Variants in FAAP100 observed in about 807,000 individuals in gnomAD.
FAAP100 encodes the protein FA core complex associated protein 100.
In FAAP100, 46 loss-of-function variants were observed where a neutral mutation model predicts 65.8. The ratio of observed to expected loss-of-function variants is 0.70; its 90% CI spans 0.55 to 0.89. The LOEUF is 0.89. Ranked by LOEUF, FAAP100 falls within the 40% of genes least tolerant of loss-of-function variation. The probability of loss-of-function intolerance (pLI) is 0.00; values close to 1 mark genes in which losing one functional copy is unlikely to be tolerated. For synonymous variants in FAAP100, 663 were observed against 555.1 expected, an observed-to-expected ratio of 1.19 and a Z score of -2.73; for missense variants, 1,165 against 1,196.7, an observed-to-expected ratio of 0.97 and a Z score of 0.39.
intron 2 of FAAP100, 108 bp from the exon 3 acceptor site, chr17:81,551,311 C>A: frequency 3.6e-6 from 4 of 1,106,910 alleles, no homozygotes; most frequent in Non-Finnish European, 5.0e-6. Context: ...CCCGCAGTGA[C>A]CCCCAAGGCC....
In FAAP100 at chr17:81,540,698, G is replaced by C. The variant is rs984235160; in HGVS notation, c.*121C>G. On this transcript the variant is annotated 3_prime_UTR_variant, in exon 9 of 9. Transcript: ENST00000327787. ...TGAGCGTTCTGCTCCTACGTGGCCAGGTCCTACCTTCCCTGACGGCTCTGG... is the reference window on the plus strand; with the variant it reads ...TGAGCGTTCTGCTCCTACGTGGCCACGTCCTACCTTCCCTGACGGCTCTGG... The C allele has an allele frequency of 3.1e-6, 4 of 1,305,402 alleles. No homozygotes were observed. Among genetic ancestry groups the C allele is most frequent in the Non-Finnish European group, 4.0e-6 (4 of 995,592 alleles). 80.9% of individuals were successfully genotyped at this position (1,305,402 alleles called of 1,614,324 possible). A position where few individuals can be genotyped will look rare whatever the true frequency, so the allele number is the denominator to read the frequency against.
At position 81,540,383 on chromosome 17, in the gene FAAP100, T is replaced by C. The variant is rs554667257; in HGVS notation, c.*436A>G. 5.0e-6 allele frequency: 2 copies of C among 401,438 alleles called. No individual in the cohort carries two copies. The highest frequency in any genetic ancestry group is 1.2e-4 in the South Asian group (1 of 8,174). The allele number at this position is 401,438 out of a possible 1,614,324, so 24.9% of individuals were successfully genotyped here. A position where few individuals can be genotyped will look rare whatever the true frequency, so the allele number is the denominator to read the frequency against. On this transcript the variant is annotated 3_prime_UTR_variant, in exon 9 of 9. Coordinates refer to ENST00000327787, the MANE Select transcript of FAAP100 (RefSeq NM_025161.6). The stretch of plus-strand genomic sequence containing the variant: ...CCAGAGGGGCAGCCGGTGCTCCTGG[T>C]GGTGTGGCAGCAACAGTTACAAACT...
In FAAP100 at chr17:81,550,779, G is replaced by C; in HGVS notation, c.715C>G (p.Pro239Ala). 6.2e-7 allele frequency: 1 copy of C among 1,612,772 alleles called. No individual in the cohort carries two copies. The highest frequency in any genetic ancestry group is 8.5e-7 in the Non-Finnish European group (1 of 1,179,888). The change falls in exon 3 of 9, where the codon CCT (proline) becomes GCT (alanine). Residue 239 changes from proline to alanine, a missense_variant. By Grantham distance (27) the Pro-to-Ala change is conservative. Coordinates refer to ENST00000327787, the MANE Select transcript of FAAP100 (RefSeq NM_025161.6). Reference protein sequence around the residue: ...FGADATLLQSPVVLCGLPDGQ... With the variant: ...FGADATLLQSAVVLCGLPDGQ... ...TCAGGGAGACCACAGAGGACCACAG[G>C]TGACTGCAGGAGGGTGGCATCAGCT... is the stretch of plus-strand genomic sequence containing the variant.
At position 81,540,795 on chromosome 17, in the gene FAAP100, G is replaced by A; in HGVS notation, c.*24C>T. On this transcript the variant is annotated 3_prime_UTR_variant, in exon 9 of 9. Coordinates refer to ENST00000327787, the MANE Select transcript of FAAP100 (RefSeq NM_025161.6). ...GTGACAGAGGCTGGAAGCGTGGCCA[G>A]AGCCCAGGGGCAGGCCCGCCTGGTC... 3 of 1,492,706 alleles carry A rather than the reference G, an allele frequency of 2.0e-6. No homozygotes were observed. The highest frequency in any genetic ancestry group is 1.3e-5 in the South Asian group (1 of 78,888). The allele number at this position is 1,492,706 out of a possible 1,614,324, so 92.5% of individuals were successfully genotyped here.
intron 7 of FAAP100, among the ~76,000 whole-genome samples, chr17:81,543,668 C>G (rs2033195858): frequency 6.6e-6 from 1 of 152,164 alleles, no homozygotes; most frequent in Non-Finnish European, 1.5e-5. Context: ...CTCTGCCCAG[C>G]CAGAGAAGGG....
At chr17:81,541,161 G>C in intron 8 of FAAP100, 148 bp downstream of exon 8, 1 of 1,097,554 alleles carries the variant, frequency 9.1e-7, no homozygotes, top group Non-Finnish European at 1.3e-6. Context: ...GAAGAGCCAT[G>C]GCCGCTCGGA....
In FAAP100 at chr17:81,540,706, C is replaced by T; in HGVS notation, c.*113G>A. 1.0e-5 allele frequency: 14 copies of T among 1,342,834 alleles called. No individual in the cohort carries two copies. The highest frequency in any genetic ancestry group is 1.4e-5 in the Non-Finnish European group (14 of 1,028,722). 83.2% of individuals were successfully genotyped at this position (1,342,834 alleles called of 1,614,324 possible). On this transcript the variant is annotated 3_prime_UTR_variant, in exon 9 of 9. Coordinates refer to ENST00000327787, the MANE Select transcript of FAAP100 (RefSeq NM_025161.6). ...CTGCTCCTACGTGGCCAGGTCCTAC[C>T]TTCCCTGACGGCTCTGGCCAGGCCA...
Position 81,550,852 on chromosome 17 carries a change from G to C in FAAP100, c.642C>G (p.Gly214=). The change falls in exon 3 of 9, where the codon GGC becomes GGG. Residue 214 remains glycine (G), a synonymous_variant. Transcript: ENST00000327787. ...GSRVPHDLLG[G]SGGFTLEDAL... The stretch of plus-strand genomic sequence containing the variant: ...CGTCCTCCAGCGTGAAGCCCCCGGA[G>C]CCCCCGAGGAGGTCGTGCGGGACCC... 1 of 1,612,152 alleles carries C rather than the reference G, an allele frequency of 6.2e-7. No individual in the cohort carries two copies. The highest frequency in any genetic ancestry group is 1.1e-5 in the South Asian group (1 of 90,984).
At chr17:81,541,011 C>G in intron 8 of FAAP100, 61 bp from the exon 9 acceptor site, 1 of 1,495,754 alleles carries the variant, frequency 6.7e-7, no homozygotes, top group East Asian at 2.4e-5. Context: ...TCACTGGGTA[C>G]CTCTGGGGGA....
In FAAP100 at chr17:81,547,608, C is replaced by T; in HGVS notation, c.1474G>A (p.Val492Met). Residue 492 changes from valine (V) to methionine (M), a missense_variant, in exon 5 of 9, where the codon GTG becomes ATG. Physicochemically the swap from Val to Met is conservative, Grantham distance 21 (BLOSUM62 1). Transcript: ENST00000327787. ...CCGCTTGACAGCAGTGCACAGCTCACGTTCATGGCCTCGTTGAGGCTTGTC... is the reference window on the plus strand; with the variant it reads ...CCGCTTGACAGCAGTGCACAGCTCATGTTCATGGCCTCGTTGAGGCTTGTC... The part of the protein sequence containing the change: ...ALTSLNEAMN[V>M]SCALLSSGTG... The T allele has an allele frequency of 2.5e-6, 4 of 1,613,458 alleles. No homozygotes were observed. The highest frequency in any genetic ancestry group is 1.6e-4 in the Middle Eastern group (1 of 6,062).
intron 1 of FAAP100, 52 bp downstream of exon 1, chr17:81,552,114 G>A: frequency 6.8e-7 from 1 of 1,465,146 alleles, no homozygotes; most frequent in South Asian, 1.3e-5. Flanking sequence ...TCATTTTCAC[G>A]CGAACCGCCG....
chr17:81,544,321 C>CA (rs1239217945), intron 6 of FAAP100, among the ~76,000 whole-genome samples: 16 of 152,364 alleles, frequency 1.1e-4, no homozygotes, highest in African/African-American at 3.4e-4. Flanking sequence ...AACCAGCCAC[C>CA]AACCAATGGC....
At chr17:81,543,229 G>C (rs1205962374) in intron 7 of FAAP100, among the ~76,000 whole-genome samples, 1 of 152,210 alleles carries the variant, frequency 6.6e-6, no homozygotes, top group Non-Finnish European at 1.5e-5. Context: ...AGTCAAGCTG[G>C]CGTCAGGCTG....
At position 81,547,142 on chromosome 17, in the gene FAAP100, A is replaced by G. The variant is rs2033334293; in HGVS notation, c.1940T>C (p.Val647Ala). ...GAAGCGCAGACACTGCAGCATGTCC[A>G]CTGTGTGCCTGCTCAGGGGCAGGCA... Reference protein sequence around the residue: ...GVCLPLSRHTVDMLQCLRFPG... With the variant: ...GVCLPLSRHTADMLQCLRFPG... Residue 647 changes from valine to alanine, a missense_variant, in exon 5 of 9, where the codon GTG becomes GCG. Val to Ala is a moderately conservative substitution (Grantham distance 64). Transcript: ENST00000327787. 2 of 1,534,400 alleles carry G rather than the reference A, an allele frequency of 1.3e-6. No individual in the cohort carries two copies. The highest frequency in any genetic ancestry group is 2.5e-5 in the South Asian group (2 of 79,870).
At position 81,545,827 on chromosome 17, in the gene FAAP100, C is replaced by T; in HGVS notation, c.2229G>A (p.Val743=). The T allele has an allele frequency of 1.2e-6, 2 of 1,611,706 alleles. No individual in the cohort carries two copies. The highest frequency in any genetic ancestry group is 1.7e-6 in the Non-Finnish European group (2 of 1,179,916). ...ATAGTGCTCGGGCCCTCACGACGTC[C>T]ACAGCAGCATTCTCAGCAAGGAGCC... ...LQWLLAENAA[V]DVVRARALSS... is the part of the protein sequence containing the mutation. The change falls in exon 6 of 9, where the codon GTG becomes GTA. Residue 743 remains valine (V), a synonymous_variant. Transcript: ENST00000327787.
At position 81,540,082 on chromosome 17, in the gene FAAP100, G is replaced by A. The variant is rs536487526; in HGVS notation, c.*737C>T. On this transcript the variant is annotated 3_prime_UTR_variant, in exon 9 of 9. Coordinates refer to ENST00000327787, the MANE Select transcript of FAAP100 (RefSeq NM_025161.6). The stretch of plus-strand genomic sequence containing the variant: ...GGGCTGGGGCTCAGGGCCCCCCCCC[G>A]GGCCACAGCGCCACCCTGAGTGGCC... The A allele has an allele frequency of 2.0e-3, 124 of 62,524 alleles. No individual in the cohort carries two copies. The highest frequency in any genetic ancestry group is 3.6e-3 in the Non-Finnish European group (102 of 28,514). The allele number at this position is 62,524 out of a possible 1,614,324, so 3.9% of individuals were successfully genotyped here.
rs764521419 is a variant in FAAP100 at position 81,546,937 on chromosome 17, G to A, written c.2145C>T (p.Leu715=). The A allele has an allele frequency of 4.7e-5, 68 of 1,450,810 alleles. No homozygotes were observed. Among genetic ancestry groups the A allele is most frequent in the Non-Finnish European group, 6.0e-5 (66 of 1,097,662 alleles). The allele number at this position is 1,450,810 out of a possible 1,614,324, so 89.9% of individuals were successfully genotyped here. Reference sequence around the variant, plus strand: ...AGTGGCCGTCCTTCAAGGCAGCTCTGAGCAGCTCCGCCGACACCTTGATGG... The same window carrying A: ...AGTGGCCGTCCTTCAAGGCAGCTCTAAGCAGCTCCGCCGACACCTTGATGG... The part of the protein sequence containing the change: ...VASIKVSAEL[L]RAALKDGHSG... The change falls in exon 5 of 9, where the codon CTC becomes CTT. Residue 715 remains leucine, a synonymous_variant. Transcript: ENST00000327787.
Position 81,542,234 on chromosome 17 carries a change from T to TATATATATATAAA in FAAP100, c.2428-840_2428-839insTTTATATATATAT, listed in dbSNP as rs148790569. On this transcript the variant is annotated intron_variant, in intron 7 of 8. Coordinates refer to ENST00000327787, the MANE Select transcript of FAAP100 (RefSeq NM_025161.6). ...ATATATATATATATATATATATATA[T>TATATATATATAAA]GAAATCAGCCAGGCGTGGTGACAGA... Among the ~76,000 whole-genome samples, 16 of 93,934 alleles carry TATATATATATAAA rather than the reference T, an allele frequency of 1.7e-4. No individual in the cohort carries two copies. In the East Asian group the frequency reaches 2.0e-3, roughly 12 times the overall value. The allele number at this position is 93,934 out of a possible 152,430, so 61.6% of individuals were successfully genotyped here.
rs781730251 is a variant in FAAP100, at chr17:81,547,353, G to A, written c.1729C>T (p.Arg577Trp). The change falls in exon 5 of 9, where the codon CGG (arginine) becomes TGG (tryptophan). Residue 577 changes from arginine (R) to tryptophan (W), a missense_variant. Physicochemically the swap from Arg to Trp is moderately radical, Grantham distance 101. Transcript: ENST00000327787. Reference protein sequence around the residue: ...IPVDQLGPGARREVTLPLGPG... With the variant: ...IPVDQLGPGAWREVTLPLGPG... The stretch of plus-strand genomic sequence containing the variant: ...CCCAGGGGTAGCGTCACCTCCCGCC[G>A]AGCACCGGGGCCGAGCTGGTCCACG... The A allele has an allele frequency of 2.8e-5, 45 of 1,612,632 alleles. No homozygotes were observed. The highest frequency in any genetic ancestry group is 8.0e-5 in the African/African-American group (6 of 74,938).
Sources: allele counts gnomAD v4.1 joint callset (sites outside exome capture counted in the v4.1 genomes callset), GRCh38; gene constraint gnomAD v4.1.1; transcripts MANE v1.5; gene names NCBI Gene and HGNC (gene_info 2026-07-23, HGNC 2026-07-21).